The following IQCK variants were observed in gnomAD, a reference collection of about 807,000 sequenced individuals.
IQCK encodes the protein IQ domain-containing protein K.
In IQCK, 29 loss-of-function variants were observed where a neutral mutation model predicts 28.1. That is an observed-to-expected ratio of 1.03 (90% CI 0.77 to 1.41). The LOEUF (loss-of-function observed/expected upper bound fraction) is 1.41, where lower values mean the gene tolerates loss of function less well. Ranked by LOEUF, IQCK falls within the 40% of genes most tolerant of loss-of-function variation. The pLI, the probability that IQCK is intolerant of heterozygous loss-of-function variation, is 0.00. For synonymous variants in IQCK, 113 were observed against 115.1 expected, an observed-to-expected ratio of 0.98 and a Z score of 0.12; for missense variants, 359 against 314.7, an observed-to-expected ratio of 1.14 and a Z score of -1.07.
At chr16:19,832,954 C>A (rs1196261214) in intron 9 of IQCK, among the ~76,000 whole-genome samples, 1 of 152,128 alleles carries the variant, frequency 6.6e-6, no homozygotes, top group Non-Finnish European at 1.5e-5. Context: ...CACCAGATCC[C>A]TCCTTCCACA....
intron 9 of IQCK, among the ~76,000 whole-genome samples, chr16:19,846,226 G>A (rs573960570): frequency 1.3e-5 from 2 of 152,258 alleles, no homozygotes; most frequent in South Asian, 2.1e-4. Flanking sequence ...TGAGAGACTT[G>A]TTCAGGCCAC....
chr16:19,813,175 T>C (rs908988568), intron 7 of IQCK, among the ~76,000 whole-genome samples: 6 of 152,032 alleles, frequency 3.9e-5, no homozygotes, highest in African/African-American at 1.4e-4. Flanking sequence ...AGTAGAGAGA[T>C]AGGGATAGGA....
At chr16:19,747,932 A>G (rs1212100772) in intron 4 of IQCK, among the ~76,000 whole-genome samples, 5 of 152,212 alleles carry the variant, frequency 3.3e-5, no homozygotes, top group Non-Finnish European at 7.3e-5. Context: ...CTTACCGTAT[A>G]CACTGCGTTA....
intron 1 of IQCK, among the ~76,000 whole-genome samples, chr16:19,729,169 C>T (rs142206469): frequency 0.017 from 2,639 of 152,238 alleles, 85 homozygotes; most frequent in Admixed American, 0.081. Context: ...GTCAGAGTCT[C>T]GCTGTGTCGC....
intron 9 of IQCK, among the ~76,000 whole-genome samples, chr16:19,840,821 T>G (rs2056355382): frequency 6.6e-6 from 1 of 152,184 alleles, no homozygotes; most frequent in African/African-American, 2.4e-5. Context: ...ATTTATGGAG[T>G]TCAAACACTC....
At chr16:19,758,185 TC>T (rs2055078861) in intron 4 of IQCK, among the ~76,000 whole-genome samples, 2 of 152,104 alleles carry the variant, frequency 1.3e-5, no homozygotes, top group African/African-American at 4.8e-5. Context: ...CTCTCCTACT[TC>T]CTCTCTTATT....
chr16:19,744,658 G>C (rs1287121988), intron 4 of IQCK, among the ~76,000 whole-genome samples: 1 of 152,170 alleles, frequency 6.6e-6, no homozygotes, highest in Admixed American at 6.5e-5. Context: ...CTTTCTCAAA[G>C]GGTCATTTTC....
intron 7 of IQCK, among the ~76,000 whole-genome samples, chr16:19,805,000 CT>C (rs2055815883): frequency 6.6e-6 from 1 of 152,124 alleles, no homozygotes; most frequent in African/African-American, 2.4e-5. Flanking sequence ...CTTCCTCTTC[CT>C]CCTTTCCAGA....
chr16:19,738,417 A>C (rs2054786403), intron 4 of IQCK, among the ~76,000 whole-genome samples: 1 of 152,110 alleles, frequency 6.6e-6, no homozygotes. Context: ...GACCCCCCCC[A>C]CCTCATATAT....
intron 4 of IQCK, among the ~76,000 whole-genome samples, chr16:19,745,568 A>G (rs1186470744): frequency 6.6e-6 from 1 of 152,200 alleles, no homozygotes; most frequent in Admixed American, 6.5e-5. Context: ...TTGTCATAGC[A>G]TTGTATAGTG....
At chr16:19,812,322 A>T (rs1408711377) in intron 7 of IQCK, among the ~76,000 whole-genome samples, 2 of 152,214 alleles carry the variant, frequency 1.3e-5, no homozygotes. Flanking sequence ...TATGTAATAC[A>T]TATAGACAGA....
chr16:19,775,585 A>G (rs2055380371), intron 6 of IQCK, among the ~76,000 whole-genome samples: 1 of 152,198 alleles, frequency 6.6e-6, no homozygotes, highest in Non-Finnish European at 1.5e-5. Flanking sequence ...AGTTATAAAC[A>G]ATACCAAAAT....
At chr16:19,725,842 C>T (rs1177571302) in intron 1 of IQCK, among the ~76,000 whole-genome samples, 1 of 152,014 alleles carries the variant, frequency 6.6e-6, no homozygotes, top group African/African-American at 2.4e-5. Context: ...AACTGTATGT[C>T]TTTTGTGATC....
intron 1 of IQCK, among the ~76,000 whole-genome samples, chr16:19,726,847 A>G (rs1567532306): frequency 6.6e-6 from 1 of 152,118 alleles, no homozygotes; most frequent in Non-Finnish European, 1.5e-5. Context: ...AAAGATAGTC[A>G]TTAATGCCGG....
At chr16:19,848,685 G>A (rs749898032) in intron 9 of IQCK, among the ~76,000 whole-genome samples, 1 of 152,112 alleles carries the variant, frequency 6.6e-6, no homozygotes, top group Non-Finnish European at 1.5e-5. Context: ...TCTTCATAAG[G>A]ACTCTGTGAA....
chr16:19,735,518 C>A, intron 4 of IQCK, 68 bp downstream of exon 4: 2 of 1,243,920 alleles, frequency 1.6e-6, no homozygotes, highest in South Asian at 1.2e-5. Flanking sequence ...GATGATAGCT[C>A]ATTATCTTGG....
rs748177114 is a variant in IQCK at position 19,827,118 on chromosome 16, G to A, written c.783G>A (p.Trp261Ter). 1.9e-6 allele frequency: 3 copies of A among 1,613,390 alleles called. No individual in the cohort carries two copies. In the South Asian group the frequency reaches 3.3e-5, roughly 18 times the overall value. ...TTCACCAGCAAGTCAAAATTTTCTG[G>A]GCCAAGCAAGAACAAAAAGGTAAGT... The change falls in exon 8 of 8, where the codon TGG becomes TGA. Residue 261 changes from tryptophan to a stop codon, truncating the protein, a stop_gained. Coordinates refer to ENST00000564186, the Ensembl canonical transcript of IQCK. LOFTEE classifies it low-confidence loss of function (END_TRUNC).
intron 7 of IQCK, among the ~76,000 whole-genome samples, chr16:19,810,354 G>T (rs546560338): frequency 6.6e-6 from 1 of 151,914 alleles, no homozygotes; most frequent in East Asian, 2.0e-4. Context: ...AAAATTAGCC[G>T]GGTGTGGTGG....
At chr16:19,783,466 G>A (rs569958267) in intron 6 of IQCK, among the ~76,000 whole-genome samples, 1 of 152,210 alleles carries the variant, frequency 6.6e-6, no homozygotes, top group East Asian at 1.9e-4. Flanking sequence ...TCTGATTTAA[G>A]CACTTTAAGG....
Sources: gnomAD v4.1 joint callset for allele counts (sites outside exome capture counted in the v4.1 genomes callset) on GRCh38, gnomAD v4.1.1 for gene constraint, MANE v1.5 for transcripts, NCBI Gene and HGNC (gene_info 2026-07-23, HGNC 2026-07-21) for gene names.